Variants in PFKFB3 observed in about 807,000 individuals in gnomAD.
PFKFB3 encodes the protein 6-phosphofructo-2-kinase/fructose-2,6-biphosphatase 3.
In PFKFB3, 33 loss-of-function variants were observed where a neutral mutation model predicts 68.0. The ratio of observed to expected loss-of-function variants is 0.49; its 90% CI spans 0.37 to 0.65. PFKFB3 has a LOEUF of 0.65. PFKFB3 is among the 30% of genes least tolerant of loss of function. The pLI, the probability that PFKFB3 is intolerant of heterozygous loss-of-function variation, is 0.00. For synonymous variants in PFKFB3, 315 were observed against 288.2 expected, an observed-to-expected ratio of 1.09 and a Z score of -0.94; for missense variants, 586 against 712.2, an observed-to-expected ratio of 0.82 and a Z score of 2.02.
At chr10:6,273,284 C>T in the PFKFB3 span, among the ~76,000 whole-genome samples, 5 of 151,974 alleles carry the variant, frequency 3.3e-5, no homozygotes, top group Non-Finnish European at 5.9e-5. Flanking sequence ...CAGCTGCCCA[C>T]CAAAAGTAAA....
chr10:6,268,144 A>G, the PFKFB3 span, among the ~76,000 whole-genome samples: 1 of 151,998 alleles, frequency 6.6e-6, no homozygotes, highest in Non-Finnish European at 1.5e-5. Context: ...CCACAGGCAG[A>G]GCCCCTAAGG....
At chr10:6,219,726 C>T in intron 7 of PFKFB3, 33 bp downstream of exon 7, 1 of 1,606,808 alleles carries the variant, frequency 6.2e-7, no homozygotes, top group Non-Finnish European at 8.5e-7. Flanking sequence ...TCTGCAAGAC[C>T]CACATGAGGG....
chr10:6,150,722 G>T (rs1588378656), intron 1 of PFKFB3, among the ~76,000 whole-genome samples: 1 of 152,210 alleles, frequency 6.6e-6, no homozygotes, highest in East Asian at 1.9e-4. Context: ...CCCAGGCTGT[G>T]CGTGGTGGCT....
the PFKFB3 span, among the ~76,000 whole-genome samples, chr10:6,319,254 T>G: frequency 1.3e-5 from 2 of 152,194 alleles, no homozygotes; most frequent in Non-Finnish European, 2.9e-5. Flanking sequence ...AGATAAGAAA[T>G]TAAACTAAGT....
chr10:6,152,719 A>C (rs1841633171), intron 1 of PFKFB3, among the ~76,000 whole-genome samples: 1 of 151,822 alleles, frequency 6.6e-6, no homozygotes, highest in Admixed American at 6.6e-5. Context: ...CCTACAAATA[A>C]AAAATTAAAA....
intron 1 of PFKFB3, among the ~76,000 whole-genome samples, chr10:6,174,715 C>T (rs1256223152): frequency 6.6e-6 from 1 of 152,230 alleles, no homozygotes; most frequent in Admixed American, 6.5e-5. Context: ...GCCCTGTGAT[C>T]TCCGTGCAGC....
the PFKFB3 span, among the ~76,000 whole-genome samples, chr10:6,302,670 G>A: frequency 6.6e-6 from 1 of 151,618 alleles, no homozygotes; most frequent in Admixed American, 6.6e-5. Flanking sequence ...ATGAGCCACC[G>A]TGCCCGGCCC....
At chr10:6,216,217 C>T (rs373022015) in intron 4 of PFKFB3, 26 bp downstream of exon 4, 27 of 1,606,644 alleles carry the variant, frequency 1.7e-5, no homozygotes, top group East Asian at 2.2e-5. Flanking sequence ...GTAGCCGGCT[C>T]GGTGTCCAGT....
At chr10:6,213,793 T>TG in intron 2 of PFKFB3, 45 bp downstream of exon 2, 1 of 1,592,824 alleles carries the variant, frequency 6.3e-7, no homozygotes, top group Non-Finnish European at 8.6e-7. Flanking sequence ...TGCAAAAACT[T>TG]GACCTTCCAT....
upstream of PFKFB3, among the ~76,000 whole-genome samples, chr10:6,199,783 G>A (rs1005228122): frequency 1.7e-4 from 25 of 148,544 alleles, no homozygotes; most frequent in South Asian, 1.3e-3. Flanking sequence ...TTACAGGTGC[G>A]AACCACTGCA....
chr10:6,203,439 C>A, intron 1 of PFKFB3, 103 bp downstream of exon 1: 1 of 673,024 alleles, frequency 1.5e-6, no homozygotes, highest in Non-Finnish European at 2.0e-6. Context: ...GGGGCGCGCC[C>A]GTGCGGGTCG....
At chr10:6,163,162 CT>C (rs1241275205) in intron 1 of PFKFB3, among the ~76,000 whole-genome samples, 1 of 152,172 alleles carries the variant, frequency 6.6e-6, no homozygotes, top group Non-Finnish European at 1.5e-5. Flanking sequence ...CCTCTGACCC[CT>C]ATCCCATGTG....
chr10:6,291,204 G>C, the PFKFB3 span, among the ~76,000 whole-genome samples: 1 of 152,072 alleles, frequency 6.6e-6, no homozygotes, highest in African/African-American at 2.4e-5. Context: ...ATAATCTTCA[G>C]AGTCAAATGC....
chr10:6,203,428 G>T, intron 1 of PFKFB3, 92 bp downstream of exon 1: 1 of 867,044 alleles, frequency 1.2e-6, no homozygotes, highest in East Asian at 3.9e-5. Flanking sequence ...CCCCTCTGCG[G>T]GGGGCGCGCC....
the PFKFB3 span, among the ~76,000 whole-genome samples, chr10:6,304,643 A>G: frequency 0.94 from 140,539 of 150,004 alleles, 66,560 homozygotes; most frequent in East Asian, 1. Context: ...TTACAGGCAT[A>G]AGCCACCGTC....
chr10:6,260,240 G>A, the PFKFB3 span, among the ~76,000 whole-genome samples: 39 of 151,814 alleles, frequency 2.6e-4, no homozygotes, highest in Non-Finnish European at 5.2e-4. Context: ...GTGAAACCCC[G>A]TCTCTACTAA....
At chr10:6,251,392 C>T (rs1443957555) in intron 14 of PFKFB3, among the ~76,000 whole-genome samples, 1 of 152,164 alleles carries the variant, frequency 6.6e-6, no homozygotes, top group Non-Finnish European at 1.5e-5. Context: ...TTAATAGTTC[C>T]CCAATAGCTT....
At chr10:6,301,539 T>G in the PFKFB3 span, among the ~76,000 whole-genome samples, 1 of 152,220 alleles carries the variant, frequency 6.6e-6, no homozygotes, top group Non-Finnish European at 1.5e-5. Flanking sequence ...AGATGAATTG[T>G]GCTAATCTGG....
chr10:6,322,285 C>T, the PFKFB3 span, among the ~76,000 whole-genome samples: 3 of 152,148 alleles, frequency 2.0e-5, no homozygotes, highest in African/African-American at 4.8e-5. Flanking sequence ...TTTACACATT[C>T]GGCATTCGGC....
Sources: gnomAD v4.1 joint callset for allele counts (sites outside exome capture counted in the v4.1 genomes callset) on GRCh38, gnomAD v4.1.1 for gene constraint, MANE v1.5 for transcripts, NCBI Gene and HGNC (gene_info 2026-07-23, HGNC 2026-07-21) for gene names.